The following DIAPH2 variants were observed in gnomAD, a reference collection of about 807,000 sequenced individuals.
DIAPH2 encodes the protein diaphanous related formin 2.
DIAPH2 carries 35 observed loss-of-function variants against 92.7 expected under a neutral mutation model. That is an observed-to-expected ratio of 0.38 (90% CI 0.29 to 0.50). DIAPH2 has a LOEUF of 0.50. Among genes scored for constraint, DIAPH2 ranks in the 20% least tolerant of loss-of-function variants. DIAPH2 has a pLI of 0.94. For synonymous variants in DIAPH2, 301 were observed against 280.4 expected (o/e 1.07, Z -0.73); for missense variants, 701 against 819.5 (o/e 0.86, Z 1.77).
intron 21 of DIAPH2, among the ~76,000 whole-genome samples, chrX:97,129,097 T>TTTTCTTTTCTTTTCTTTTCTTTTC (rs2067113435): frequency 6.9e-5 from 4 of 57,805 alleles, no homozygotes; most frequent in African/African-American, 2.3e-4. Flanking sequence ...CCATCTTTTC[T>TTTTCTTTTCTTTTCTTTTCTTTTC]TTTCTTTTCT....
At chrX:96,981,310 TA>T (rs1407458149) in intron 17 of DIAPH2, among the ~76,000 whole-genome samples, 1 of 112,239 alleles carries the variant, frequency 8.9e-6, no homozygotes, top group Non-Finnish European at 1.9e-5. Flanking sequence ...TTGGCCCACT[TA>T]AATAAACAAC....
intron 5 of DIAPH2, among the ~76,000 whole-genome samples, chrX:96,894,247 T>C (rs1490472416): frequency 9.6e-6 from 1 of 104,518 alleles, no homozygotes; most frequent in Non-Finnish European, 2.0e-5. Flanking sequence ...TACTGAGTAC[T>C]GCTACAGTTT....
intron 5 of DIAPH2, among the ~76,000 whole-genome samples, chrX:96,882,347 C>A (rs949189465): frequency 2.7e-5 from 3 of 110,741 alleles, no homozygotes; most frequent in Non-Finnish European, 5.7e-5. Context: ...CCGCGCCCGG[C>A]CGATTTTATT....
intron 5 of DIAPH2, among the ~76,000 whole-genome samples, chrX:96,905,004 A>T (rs1602616719): frequency 9.0e-6 from 1 of 111,569 alleles, no homozygotes; most frequent in East Asian, 2.8e-4. Flanking sequence ...ACATGGGAAT[A>T]GAACACCATT....
At chrX:96,794,208 C>T (rs1351380719) in intron 4 of DIAPH2, among the ~76,000 whole-genome samples, 1 of 111,061 alleles carries the variant, frequency 9.0e-6, no homozygotes, top group Non-Finnish European at 1.9e-5. Context: ...ATGAAGGTTC[C>T]ATCCTCATGA....
At chrX:97,027,810 C>T (rs1236566231) in intron 17 of DIAPH2, among the ~76,000 whole-genome samples, 1 of 112,167 alleles carries the variant, frequency 8.9e-6, no homozygotes, top group African/African-American at 3.2e-5. Context: ...ATTCCAATGA[C>T]GCCAAAAGAA....
intron 1 of DIAPH2, among the ~76,000 whole-genome samples, chrX:96,690,849 A>T (rs530398283): frequency 1.1e-4 from 12 of 112,481 alleles, no homozygotes; most frequent in African/African-American, 3.2e-4. Flanking sequence ...GTACAAATAA[A>T]GAAACTGAGT....
chrX:97,173,834 G>A (rs1387841119), intron 22 of DIAPH2, among the ~76,000 whole-genome samples: 1 of 108,669 alleles, frequency 9.2e-6, no homozygotes, highest in Non-Finnish European at 1.9e-5. Context: ...CTTGACCCTG[G>A]GAGAAGCTGA....
chrX:97,005,454 T>C (rs2066174237), intron 17 of DIAPH2, among the ~76,000 whole-genome samples: 1 of 111,290 alleles, frequency 9.0e-6, no homozygotes, highest in African/African-American at 3.3e-5. Flanking sequence ...TTATTTTGGC[T>C]TCAGTCTCAT....
At chrX:96,996,827 TTTTGATA>T (rs760444971) in intron 17 of DIAPH2, among the ~76,000 whole-genome samples, 59 of 112,324 alleles carry the variant, frequency 5.3e-4, no homozygotes, top group Non-Finnish European at 9.4e-4. Context: ...TTCAGTGTAT[TTTTGATA>T]TTCGATATTG....
intron 5 of DIAPH2, among the ~76,000 whole-genome samples, chrX:96,894,974 ATTTTTTTTTTTT>A (rs766131166): frequency 1.5e-4 from 9 of 59,530 alleles, no homozygotes; most frequent in African/African-American, 3.6e-4. Context: ...GTTTTTCTTA[ATTTTTTTTTTTT>A]TTTTTTTTTT....
chrX:96,801,148 G>C (rs2064578872), intron 4 of DIAPH2, among the ~76,000 whole-genome samples: 2 of 112,084 alleles, frequency 1.8e-5, no homozygotes, highest in Admixed American at 1.9e-4. Flanking sequence ...TAGGGAGATG[G>C]GCTCTTTGTC....
chrX:97,347,898 C>G (rs1421282546), intron 23 of DIAPH2, among the ~76,000 whole-genome samples: 1 of 111,651 alleles, frequency 9.0e-6, no homozygotes. Flanking sequence ...ACCCTGATCT[C>G]AGACTTCTAG....
rs759324359 is a variant in DIAPH2, at chrX:96,852,044, C to T, written c.448-29535C>T. Among the ~76,000 whole-genome samples the T allele has an allele frequency of 1.1e-4, 12 of 111,888 alleles. No homozygotes were observed. In the South Asian group the frequency reaches 4.5e-3, roughly 42 times the overall value. On this transcript the variant is annotated intron_variant, in intron 4 of 26. Transcript: ENST00000324765. Reference sequence around the variant, plus strand: ...CTAAATGAGTTCAAAATGTATATTACCTCTCTGGAAAAGCTCTTATGTTAG... The same window carrying T: ...CTAAATGAGTTCAAAATGTATATTATCTCTCTGGAAAAGCTCTTATGTTAG...
intron 21 of DIAPH2, among the ~76,000 whole-genome samples, chrX:97,135,732 A>T (rs1256667029): frequency 9.0e-6 from 1 of 111,511 alleles, no homozygotes; most frequent in African/African-American, 3.3e-5. Context: ...GCTCTATCTT[A>T]TCTATAAAAG....
intron 4 of DIAPH2, among the ~76,000 whole-genome samples, chrX:96,837,850 T>G (rs768821087): frequency 8.9e-6 from 1 of 112,060 alleles, no homozygotes; most frequent in African/African-American, 3.2e-5. Context: ...ATCGTGTAAA[T>G]ACAGTGTATT....
At chrX:97,449,198 G>GGATC (rs2070338026) in intron 26 of DIAPH2, among the ~76,000 whole-genome samples, 1 of 111,945 alleles carries the variant, frequency 8.9e-6, no homozygotes, top group African/African-American at 3.2e-5. Context: ...ATGTAATAGG[G>GGATC]AGAGATAAAG....
At chrX:97,269,358 A>G (rs1044383244) in intron 23 of DIAPH2, among the ~76,000 whole-genome samples, 1 of 112,437 alleles carries the variant, frequency 8.9e-6, no homozygotes, top group South Asian at 3.7e-4. Flanking sequence ...GAAAATGGGA[A>G]CTAAGTGAAA....
chrX:97,540,379 G>A (rs2071130620), intron 26 of DIAPH2, among the ~76,000 whole-genome samples: 1 of 111,838 alleles, frequency 8.9e-6, no homozygotes. Flanking sequence ...CAGGAAGTTG[G>A]GAATGTCAAA....
Sources: allele counts gnomAD v4.1 joint callset (sites outside exome capture counted in the v4.1 genomes callset), GRCh38; gene constraint gnomAD v4.1.1; transcripts MANE v1.5; gene names NCBI Gene and HGNC (gene_info 2026-07-23, HGNC 2026-07-21).